The following DRG1 variants were observed in gnomAD, a reference collection of about 807,000 sequenced individuals.
DRG1 encodes the protein developmentally regulated GTP binding protein 1.
A neutral mutation model predicts 38.8 loss-of-function variants in DRG1; 19 were observed. That is an observed-to-expected ratio of 0.49 (90% confidence interval 0.34 to 0.72). The LOEUF (loss-of-function observed/expected upper bound fraction) is 0.72, where lower values mean the gene tolerates loss of function less well. DRG1 is among the 30% of genes least tolerant of loss of function. DRG1 has a pLI of 0.01. For synonymous variants in DRG1, 167 were observed against 157.5 expected, an observed-to-expected ratio of 1.06 and a Z score of -0.45; for missense variants, 299 against 444.8, an observed-to-expected ratio of 0.67 and a Z score of 2.95.
At chr22:31,433,153 C>T (rs2050150414) in intron 8 of DRG1, among the ~76,000 whole-genome samples, 1 of 151,992 alleles carries the variant, frequency 6.6e-6, no homozygotes, top group Non-Finnish European at 1.5e-5. Flanking sequence ...TCAGTACCCA[C>T]TGATGGTTTC....
chr22:31,434,031 C>G lies in DRG1; in HGVS notation c.*60C>G, dbSNP rs1419261617. 2.1e-5 allele frequency: 32 copies of G among 1,506,854 alleles called. No homozygotes were observed. Among genetic ancestry groups the G allele is most frequent in the Admixed American group, 3.6e-5 (2 of 56,312 alleles). The allele number at this position is 1,506,854 out of a possible 1,614,324, so 93.3% of individuals were successfully genotyped here. A position where few individuals can be genotyped will look rare whatever the true frequency, so the allele number is the denominator to read the frequency against. Reference sequence around the variant, plus strand: ...CAACAGCGTTCCCCATGATCAAGCACCCTACCCCAGTTCTTTCTGGTTTTG... The same window carrying G: ...CAACAGCGTTCCCCATGATCAAGCAGCCTACCCCAGTTCTTTCTGGTTTTG... On this transcript the variant is annotated 3_prime_UTR_variant, in exon 9 of 9. Coordinates refer to ENST00000331457, the MANE Select transcript of DRG1 (RefSeq NM_004147.4).
chr22:31,428,465 G>A (rs1337428967), intron 8 of DRG1, among the ~76,000 whole-genome samples: 8 of 150,058 alleles, frequency 5.3e-5, no homozygotes, highest in Admixed American at 6.6e-5. Flanking sequence ...TGCCCGCCTC[G>A]GCCTCCCAAA....
At chr22:31,423,214 T>C (rs2050086531) in intron 5 of DRG1, 66 bp from the exon 6 acceptor site, 3 of 1,592,300 alleles carry the variant, frequency 1.9e-6, no homozygotes, top group Non-Finnish European at 1.7e-6. Flanking sequence ...TACATGGATA[T>C]TGGTACACTT....
chr22:31,423,534 T>C (rs1281125255), intron 6 of DRG1, 124 bp downstream of exon 6: 14 of 1,220,434 alleles, frequency 1.1e-5, no homozygotes, highest in Non-Finnish European at 1.5e-5. Flanking sequence ...TTTTTTTTTT[T>C]TTTTTTTTTT....
intron 8 of DRG1, among the ~76,000 whole-genome samples, chr22:31,430,438 C>G (rs922546707): frequency 4.7e-5 from 7 of 149,060 alleles, no homozygotes; most frequent in Non-Finnish European, 8.9e-5. Context: ...CTCGCTCTGT[C>G]GCCCAGGCTA....
chr22:31,405,312 C>T lies in DRG1; in HGVS notation c.342+2108C>T, dbSNP rs542110559. On this transcript the variant is annotated intron_variant, in intron 3 of 8. Coordinates refer to ENST00000331457, the MANE Select transcript of DRG1 (RefSeq NM_004147.4). ...CCTCTCAAGTAGCTGGGACTACATG[C>T]GCATGCCACCACACCTGGCTAATTT... Among the ~76,000 whole-genome samples, 6 of 151,908 alleles carry T rather than the reference C, an allele frequency of 3.9e-5. No homozygotes were observed. The South Asian group carries it at 1.0e-3, about 26-fold the overall frequency.
intron 3 of DRG1, among the ~76,000 whole-genome samples, chr22:31,407,861 C>T (rs1332449776): frequency 6.6e-6 from 1 of 151,326 alleles, no homozygotes; most frequent in Non-Finnish European, 1.5e-5. Context: ...TGGTTCAAGC[C>T]TATAATCCCA....
In DRG1 at chr22:31,420,343, G is replaced by T. The variant is rs756488418; in HGVS notation, c.500G>T (p.Gly167Val). The change falls in exon 5 of 9, where the codon GGC becomes GTC. Residue 167 changes from glycine (G) to valine (V), a missense_variant. This residue lies in a region of DRG1 where 198 missense variants were observed against 268.1 expected (regional missense o/e 0.74). Transcript: ENST00000331457. ...AAGATAATTGAAAATGAGCTGGAAG[G>T]CTTTGGCATTCGCTTGAACAGCAAA... ...HKKIIENELE[G>V]FGIRLNSKPP... 2.5e-6 allele frequency: 4 copies of T among 1,614,148 alleles called. No individual in the cohort carries two copies. The South Asian group carries it at 3.3e-5, about 13-fold the overall frequency.
Position 31,399,656 on chromosome 22 carries a change from G to T in DRG1, c.-28G>T. The T allele has an allele frequency of 6.2e-7, 1 of 1,614,016 alleles. No individual in the cohort carries two copies. The highest frequency in any genetic ancestry group is 2.2e-5 in the East Asian group (1 of 44,874). ...GCCCGCGGGTGTGTGAAGGGAGACA[G>T]TGTGGAGGCCACAGGGTACTCGCCA... On this transcript the variant is annotated 5_prime_UTR_variant, in exon 1 of 9. Coordinates refer to ENST00000331457, the MANE Select transcript of DRG1 (RefSeq NM_004147.4).
intron 4 of DRG1, 65 bp from the exon 5 acceptor site, chr22:31,420,191 T>G: frequency 6.5e-5 from 101 of 1,554,444 alleles, no homozygotes; most frequent in Non-Finnish European, 8.3e-5. Flanking sequence ...CACCTCTACT[T>G]GAGTATTTGG....
intron 3 of DRG1, among the ~76,000 whole-genome samples, chr22:31,408,387 G>A (rs2050000855): frequency 6.6e-6 from 1 of 150,422 alleles, no homozygotes; most frequent in African/African-American, 2.4e-5. Flanking sequence ...CAGATGATCC[G>A]CTCACCTTGG....
chr22:31,410,991 C>T (rs770257756), intron 3 of DRG1, 21 bp from the exon 4 acceptor site: 38 of 1,612,502 alleles, frequency 2.4e-5, no homozygotes, highest in Middle Eastern at 1.6e-4. Context: ...TCATCCTCTT[C>T]CCCCATTCTT....
chr22:31,428,312 T>C lies in DRG1; in HGVS notation c.1004+1130T>C, dbSNP rs997191593. Among the ~76,000 whole-genome samples, 5 of 151,604 alleles carry C rather than the reference T, an allele frequency of 3.3e-5. 1 individual carries two copies. Among genetic ancestry groups the C allele is most frequent in the Admixed American group, 2.0e-4 (3 of 15,220 alleles). ...CTGCAAGCTCTGCCTCCAGGGTTCA[T>C]GCCATTCTCCTGCCTCAGCCTCCCG... On this transcript the variant is annotated intron_variant, in intron 8 of 8. Transcript: ENST00000331457.
At chr22:31,430,918 A>G (rs1465540104) in intron 8 of DRG1, among the ~76,000 whole-genome samples, 7 of 143,686 alleles carry the variant, frequency 4.9e-5, no homozygotes, top group South Asian at 2.2e-4. Context: ...GGGTCTCCCT[A>G]TGTTGCCCTG....
rs373798088 is a variant in DRG1 at position 31,433,950 on chromosome 22, C to T, written c.1083C>T (p.Val361=). Residue 361 remains valine, a synonymous_variant, in exon 9 of 9, where the codon GTC becomes GTT. Transcript: ENST00000331457. ...ACCATACGTTGGAGGATGAGGATGT[C>T]ATTCAAATTGTGAAGAAGTGAAACC... ...GKDHTLEDED[V]IQIVKK The T allele has an allele frequency of 6.2e-7, 1 of 1,614,034 alleles. No individual in the cohort carries two copies. Among genetic ancestry groups the T allele is most frequent in the Non-Finnish European group, 8.5e-7 (1 of 1,179,910 alleles).
chr22:31,408,123 T>A (rs960898000), intron 3 of DRG1, among the ~76,000 whole-genome samples: 3 of 122,504 alleles, frequency 2.4e-5, no homozygotes, highest in African/African-American at 8.7e-5. Flanking sequence ...GAGACTCCCC[T>A]TTTTTTCCTT....
chr22:31,427,574 A>T (rs767213744), intron 8 of DRG1, among the ~76,000 whole-genome samples: 22 of 152,118 alleles, frequency 1.4e-4, no homozygotes, highest in South Asian at 2.1e-4. Context: ...GCTGAAAAAA[A>T]ATTATTTTAT....
At chr22:31,408,623 A>G (rs1321386644) in intron 3 of DRG1, among the ~76,000 whole-genome samples, 4 of 151,610 alleles carry the variant, frequency 2.6e-5, no homozygotes, top group African/African-American at 9.7e-5. Context: ...CATGGTGGCG[A>G]GCACCTGTAA....
chr22:31,417,263 C>T (rs926431741), intron 4 of DRG1, among the ~76,000 whole-genome samples: 3 of 151,604 alleles, frequency 2.0e-5, no homozygotes, highest in African/African-American at 4.9e-5. Flanking sequence ...CCAAGCTGCT[C>T]GGGAGGCTGA....
Sources: allele counts gnomAD v4.1 joint callset (sites outside exome capture counted in the v4.1 genomes callset), GRCh38; gene constraint gnomAD v4.1.1; regional missense constraint gnomAD v4.1.1; transcripts MANE v1.5; gene names NCBI Gene and HGNC (gene_info 2026-07-23, HGNC 2026-07-21).